Variants in ERBB4 observed in about 807,000 individuals in gnomAD.
ERBB4 encodes erb-b2 receptor tyrosine kinase 4.
In ERBB4, 42 loss-of-function variants were observed where a neutral mutation model predicts 158.0. The ratio of observed to expected loss-of-function variants is 0.27; its 90% CI spans 0.21 to 0.34. The LOEUF is 0.34. ERBB4 is among the 10% of genes least tolerant of loss of function. The pLI is 1.00. For missense variants in ERBB4, 1,333 were observed against 1,624.1 expected (o/e 0.82, Z 3.08); for synonymous variants, 583 against 558.7 (o/e 1.04, Z -0.61).
intron 1 of ERBB4, among the ~76,000 whole-genome samples, chr2:212,172,593 A>G (rs1311017658): frequency 1.3e-5 from 2 of 152,158 alleles, no homozygotes; most frequent in Non-Finnish European, 2.9e-5. Context: ...ATGGAATACT[A>G]TGCAGCCATA....
At chr2:212,380,363 G>A (rs1237853435) in intron 1 of ERBB4, among the ~76,000 whole-genome samples, 1 of 151,106 alleles carries the variant, frequency 6.6e-6, no homozygotes, top group Non-Finnish European at 1.5e-5. Context: ...TATATGGGAA[G>A]ATGTGCATAG....
intron 1 of ERBB4, among the ~76,000 whole-genome samples, chr2:212,126,285 C>A (rs1354224010): frequency 6.6e-6 from 1 of 151,808 alleles, no homozygotes; most frequent in African/African-American, 2.4e-5. Context: ...CATGGAGAAA[C>A]CCTGTCTCTA....
At chr2:211,953,295 G>A (rs1057274868) in intron 2 of ERBB4, among the ~76,000 whole-genome samples, 2 of 151,774 alleles carry the variant, frequency 1.3e-5, no homozygotes, top group Non-Finnish European at 2.9e-5. Context: ...GTGACGGGTT[G>A]ATGGGTACAG....
At chr2:212,377,038 C>T (rs1429052400) in intron 1 of ERBB4, among the ~76,000 whole-genome samples, 1 of 151,726 alleles carries the variant, frequency 6.6e-6, no homozygotes, top group Admixed American at 6.6e-5. Context: ...TATCTTCTCC[C>T]CTGCTTAACT....
intron 1 of ERBB4, among the ~76,000 whole-genome samples, chr2:212,418,260 G>A (rs1423439340): frequency 1.3e-5 from 2 of 151,788 alleles, no homozygotes; most frequent in Admixed American, 1.3e-4. Context: ...AATATCAATG[G>A]TATATGAAGA....
intron 20 of ERBB4, 40 bp from the exon 21 acceptor site, chr2:211,431,140 C>T (rs760712734): frequency 1.3e-6 from 2 of 1,586,340 alleles, no homozygotes; most frequent in Non-Finnish European, 1.7e-6. Context: ...TCAGTTAATG[C>T]CCAGGTTTTC....
intron 1 of ERBB4, among the ~76,000 whole-genome samples, chr2:212,387,169 G>A (rs566818617): frequency 1.3e-5 from 2 of 152,118 alleles, no homozygotes; most frequent in South Asian, 2.1e-4. Flanking sequence ...AAAGGAGTAC[G>A]GTTATTTGTA....
intron 3 of ERBB4, among the ~76,000 whole-genome samples, chr2:211,922,337 A>G: frequency 6.6e-6 from 1 of 152,208 alleles, no homozygotes; most frequent in Non-Finnish European, 1.5e-5. Context: ...TATGAACAAG[A>G]GTGACGTGAA....
chr2:211,808,583 T>G (rs181907343), intron 3 of ERBB4, among the ~76,000 whole-genome samples: 3 of 152,332 alleles, frequency 2.0e-5, no homozygotes, highest in Admixed American at 6.5e-5. Flanking sequence ...CTTTGTTCTT[T>G]TTGCTTAGGA....
In ERBB4 at chr2:211,708,612, T is replaced by TTCTCTC. The variant is rs60948715; in HGVS notation, c.1125-3227_1125-3222dup. ...TTTTCATTTCTCTCTGTTTCCATCCTTCTCTCTCTCTCTCTCTCTCTCTCT... is the reference window on the plus strand; with the variant it reads ...TTTTCATTTCTCTCTGTTTCCATCCTTCTCTCTCTCTCTCTCTCTCTCTCTCTCTCT... On this transcript the variant is annotated intron_variant, in intron 9 of 27. Coordinates refer to ENST00000342788, the MANE Select transcript of ERBB4 (RefSeq NM_005235.3). Among the ~76,000 whole-genome samples the TTCTCTC allele has an allele frequency of 7.8e-3, 907 of 116,628 alleles. 2 individuals are homozygous for TTCTCTC. Among genetic ancestry groups the TTCTCTC allele is most frequent in the South Asian group, 0.021 (78 of 3,660 alleles). The allele number at this position is 116,628 out of a possible 152,430, so 76.5% of individuals were successfully genotyped here. A position where few individuals can be genotyped will look rare whatever the true frequency, so the allele number is the denominator to read the frequency against.
intron 15 of ERBB4, among the ~76,000 whole-genome samples, chr2:211,658,462 TG>T (rs1252894026): frequency 6.6e-6 from 1 of 152,210 alleles, no homozygotes; most frequent in Non-Finnish European, 1.5e-5. Flanking sequence ...AGGTTGATTT[TG>T]GCAGAAAATG....
chr2:211,917,253 T>C (rs1034597307), intron 3 of ERBB4, among the ~76,000 whole-genome samples: 6 of 152,154 alleles, frequency 3.9e-5, no homozygotes, highest in Admixed American at 3.9e-4. Context: ...ATAATTTCCA[T>C]ATAACTACTT....
chr2:211,712,374 T>C (rs538542209), intron 8 of ERBB4, among the ~76,000 whole-genome samples, 198 bp from the exon 9 acceptor site: 9 of 152,294 alleles, frequency 5.9e-5, no homozygotes, highest in South Asian at 4.1e-4. Flanking sequence ...AACTTGTCCC[T>C]GCATTAAAAT....
At chr2:212,397,626 A>G (rs76907545) in intron 1 of ERBB4, among the ~76,000 whole-genome samples, 23,525 of 152,092 alleles carry the variant, frequency 0.15, 2,623 homozygotes, top group African/African-American at 0.32. Flanking sequence ...CTATATCTTA[A>G]CAACATGATT....
chr2:212,498,304 T>G (rs1690695634), intron 1 of ERBB4, among the ~76,000 whole-genome samples: 1 of 152,098 alleles, frequency 6.6e-6, no homozygotes, highest in Admixed American at 6.6e-5. Context: ...CGGGGATTAA[T>G]TTTTCTTGGT....
At chr2:211,907,452 C>T (rs1324151786) in intron 3 of ERBB4, among the ~76,000 whole-genome samples, 2 of 151,286 alleles carry the variant, frequency 1.3e-5, no homozygotes, top group Non-Finnish European at 1.5e-5. Flanking sequence ...TGTATAGACC[C>T]ACAGTACTAG....
rs188669983 is a variant in ERBB4, at chr2:211,396,240, G to T, written c.3136-8248C>A. Among the ~76,000 whole-genome samples the T allele has an allele frequency of 6.7e-3, 1,026 of 152,070 alleles. 14 individuals carry two copies. Among genetic ancestry groups the T allele is most frequent in the South Asian group, 0.02 (97 of 4,816 alleles). ...TAAGAAAATTAATAGCTTAAAACAA[G>T]ATAACAAAGGTTATGTAACCCATAC... On this transcript the variant is annotated intron_variant, in intron 25 of 27. Transcript: ENST00000342788.
At chr2:212,472,432 T>G (rs1689161761) in intron 1 of ERBB4, among the ~76,000 whole-genome samples, 1 of 151,846 alleles carries the variant, frequency 6.6e-6, no homozygotes, top group Non-Finnish European at 1.5e-5. Context: ...TCTTAAGCCT[T>G]TCTTTTCTTT....
chr2:211,417,019 G>A (rs1398961451), intron 25 of ERBB4, among the ~76,000 whole-genome samples: 1 of 152,040 alleles, frequency 6.6e-6, no homozygotes, highest in Non-Finnish European at 1.5e-5. Context: ...TAACGTGCAT[G>A]CATACACTAA....
Sources: allele counts gnomAD v4.1 joint callset (sites outside exome capture counted in the v4.1 genomes callset), GRCh38; gene constraint gnomAD v4.1.1; transcripts MANE v1.5; gene names NCBI Gene and HGNC (gene_info 2026-07-23, HGNC 2026-07-21).